Variants in LRRC69 observed in about 807,000 individuals in gnomAD.
LRRC69 encodes the protein leucine rich repeat containing 69.
In LRRC69, 42 loss-of-function variants were observed where a neutral mutation model predicts 37.8. The ratio of observed to expected loss-of-function variants is 1.11; its 90% CI spans 0.87 to 1.44. LRRC69 has a LOEUF of 1.44. Among genes scored for constraint, LRRC69 ranks in the 40% most tolerant of loss-of-function variants. The probability of loss-of-function intolerance (pLI) is 0.00; values close to 1 mark genes in which losing one functional copy is unlikely to be tolerated. For missense variants in LRRC69, 357 were observed against 401.9 expected (o/e 0.89, Z 0.96); for synonymous variants, 141 against 143.1 (o/e 0.99, Z 0.11).
intron 5 of LRRC69, among the ~76,000 whole-genome samples, chr8:91,148,698 A>T (rs1808669848): frequency 6.6e-6 from 1 of 152,020 alleles, no homozygotes; most frequent in Non-Finnish European, 1.5e-5. Context: ...CAGTCCCACC[A>T]ACAGTGTAAA....
intron 1 of LRRC69, among the ~76,000 whole-genome samples, chr8:91,117,559 CT>C (rs35003763): frequency 0.062 from 7,176 of 115,046 alleles, 226 homozygotes; most frequent in African/African-American, 0.097. Flanking sequence ...ACAAGATCCA[CT>C]TTTTTTTTTT....
At chr8:91,173,260 T>C (rs930661137) in intron 5 of LRRC69, among the ~76,000 whole-genome samples, 1 of 151,954 alleles carries the variant, frequency 6.6e-6, no homozygotes, top group African/African-American at 2.4e-5. Flanking sequence ...CATTATTCTC[T>C]GAAGGACTCT....
chr8:91,146,266 C>T (rs1286584743), intron 5 of LRRC69, among the ~76,000 whole-genome samples: 4 of 151,686 alleles, frequency 2.6e-5, no homozygotes, highest in Non-Finnish European at 5.9e-5. Context: ...TGCTTACCTT[C>T]AAAATGGAGA....
chr8:91,167,322 A>G, intron 5 of LRRC69, among the ~76,000 whole-genome samples: 1 of 151,772 alleles, frequency 6.6e-6, no homozygotes, highest in Non-Finnish European at 1.5e-5. Context: ...GAACTTGTGC[A>G]GGGGTACTCC....
chr8:91,114,900 A>G (rs949576389), intron 1 of LRRC69, among the ~76,000 whole-genome samples: 3 of 152,042 alleles, frequency 2.0e-5, no homozygotes, highest in Non-Finnish European at 4.4e-5. Context: ...TTGCAGCAAC[A>G]TGGATGAGCC....
At chr8:91,210,518 A>G (rs1563627708) in intron 7 of LRRC69, among the ~76,000 whole-genome samples, 6 of 151,314 alleles carry the variant, frequency 4.0e-5, no homozygotes, top group Admixed American at 3.3e-4. Context: ...TCAGATAGAT[A>G]GAACTTTCTT....
intron 1 of LRRC69, among the ~76,000 whole-genome samples, chr8:91,109,637 TAATGCC>T (rs1813377751): frequency 1.3e-5 from 2 of 152,170 alleles, no homozygotes; most frequent in Non-Finnish European, 2.9e-5. Flanking sequence ...CTTTTTATGT[TAATGCC>T]AGTAGAGAAT....
intron 5 of LRRC69, among the ~76,000 whole-genome samples, chr8:91,184,033 G>C (rs1439900988): frequency 1.3e-5 from 2 of 152,154 alleles, no homozygotes; most frequent in Non-Finnish European, 2.9e-5. Flanking sequence ...TGCAACCTCA[G>C]CACTTTCGGA....
At chr8:91,192,592 G>A (rs1355966817) in intron 6 of LRRC69, among the ~76,000 whole-genome samples, 6 of 151,940 alleles carry the variant, frequency 3.9e-5, no homozygotes, top group East Asian at 1.9e-4. Context: ...TTCTCTGATG[G>A]CCAGTGATGA....
chr8:91,173,623 T>C (rs1809172096), intron 5 of LRRC69, among the ~76,000 whole-genome samples: 1 of 152,160 alleles, frequency 6.6e-6, no homozygotes, highest in African/African-American at 2.4e-5. Flanking sequence ...TGGGCTGCTA[T>C]AACAAAATAC....
At chr8:91,199,094 C>T (rs887486917) in intron 6 of LRRC69, among the ~76,000 whole-genome samples, 16 of 152,276 alleles carry the variant, frequency 1.1e-4, no homozygotes, top group African/African-American at 3.8e-4. Flanking sequence ...CTGTCATCTG[C>T]TATTTTGGGT....
chr8:91,193,064 AT>A (rs1554595935), intron 6 of LRRC69, among the ~76,000 whole-genome samples: 1 of 147,954 alleles, frequency 6.8e-6, no homozygotes, highest in Non-Finnish European at 1.5e-5. Flanking sequence ...CTTTCTACAT[AT>A]GGCTAGCCAG....
At chr8:91,117,081 TAGAC>T (rs906803887) in intron 1 of LRRC69, among the ~76,000 whole-genome samples, 17 of 151,966 alleles carry the variant, frequency 1.1e-4, no homozygotes, top group Non-Finnish European at 2.1e-4. Flanking sequence ...AGTAAGAGCA[TAGAC>T]AGACAGTATT....
At chr8:91,194,386 A>C (rs1586278418) in intron 6 of LRRC69, among the ~76,000 whole-genome samples, 1 of 151,196 alleles carries the variant, frequency 6.6e-6, no homozygotes, top group African/African-American at 2.5e-5. Flanking sequence ...AGGATTCTCT[A>C]TTGTTTTATT....
intron 5 of LRRC69, among the ~76,000 whole-genome samples, chr8:91,147,865 G>T (rs13279629): frequency 0.052 from 7,954 of 151,552 alleles, 298 homozygotes; most frequent in Middle Eastern, 0.16. Context: ...CTCCCCACCT[G>T]GCCCCCCCAA....
chr8:91,135,465 G>T (rs1813894092), intron 4 of LRRC69, among the ~76,000 whole-genome samples: 1 of 152,012 alleles, frequency 6.6e-6, no homozygotes, highest in Non-Finnish European at 1.5e-5. Flanking sequence ...CCCTGGAGTG[G>T]TCAGAGGAAA....
intron 5 of LRRC69, among the ~76,000 whole-genome samples, chr8:91,173,573 G>A (rs1448845301): frequency 6.6e-6 from 1 of 152,118 alleles, no homozygotes; most frequent in African/African-American, 2.4e-5. Context: ...ATATTGTCAG[G>A]TAGAGATTAA....
In LRRC69 at chr8:91,133,123, A is replaced by G. The variant is rs758138756; in HGVS notation, c.397A>G (p.Thr133Ala). Residue 133 changes from threonine to alanine, a missense_variant, in exon 4 of 8, where the codon ACT becomes GCT. Physicochemically the swap from Thr to Ala is moderately conservative, Grantham distance 58. Transcript: ENST00000448384. Reference sequence around the variant, plus strand: ...TTTTTTTTTTAGATTAAAAAGTCTTACTTATATGAGTATAAATTATAACCA... The same window carrying G: ...TTTTTTTTTTAGATTAAAAAGTCTTGCTTATATGAGTATAAATTATAACCA... The G allele has an allele frequency of 4.3e-5, 63 of 1,473,356 alleles. No homozygotes were observed. The South Asian group carries it at 7.7e-4, about 18-fold the overall frequency. 91.3% of individuals were successfully genotyped at this position (1,473,356 alleles called of 1,614,324 possible). A position where few individuals can be genotyped will look rare whatever the true frequency, so the allele number is the denominator to read the frequency against.
intron 1 of LRRC69, among the ~76,000 whole-genome samples, chr8:91,103,872 C>T (rs1813262606): frequency 6.6e-6 from 1 of 151,940 alleles, no homozygotes. Context: ...TTGACTGAGT[C>T]ATGAACCTAT....
Sources: gnomAD v4.1 joint callset for allele counts (sites outside exome capture counted in the v4.1 genomes callset) on GRCh38, gnomAD v4.1.1 for gene constraint, MANE v1.5 for transcripts, NCBI Gene and HGNC (gene_info 2026-07-23, HGNC 2026-07-21) for gene names.